IQSEC1: variants seen among roughly 807,000 people sequenced by gnomAD.
IQSEC1 encodes the protein IQ motif and Sec7 domain ArfGEF 1.
Under a neutral mutation model 91.0 loss-of-function variants are expected in IQSEC1, and 31 were observed. The ratio of observed to expected loss-of-function variants is 0.34; its 90% CI spans 0.26 to 0.46. The LOEUF is 0.46. Among genes scored for constraint, IQSEC1 ranks in the 20% least tolerant of loss-of-function variants. IQSEC1 has a pLI of 1.00. For synonymous variants in IQSEC1, 699 were observed against 662.6 expected, an observed-to-expected ratio of 1.05 and a Z score of -0.84; for missense variants, 1,388 against 1,575.6, an observed-to-expected ratio of 0.88 and a Z score of 2.02.
At chr3:12,954,466 G>T (rs1009331675) in intron 1 of IQSEC1, among the ~76,000 whole-genome samples, 1 of 152,204 alleles carries the variant, frequency 6.6e-6, no homozygotes, top group Non-Finnish European at 1.5e-5. Context: ...AGCACAGGGC[G>T]TCTGATGGGG....
intron 4 of IQSEC1, among the ~76,000 whole-genome samples, chr3:12,923,054 T>G (rs979894206): frequency 1.3e-5 from 2 of 152,112 alleles, no homozygotes; most frequent in African/African-American, 4.8e-5. Context: ...CACCCTCCTC[T>G]GAGCGCTCAA....
At chr3:13,234,007 A>T (rs1217927765) in intron 1 of IQSEC1, among the ~76,000 whole-genome samples, 1 of 152,228 alleles carries the variant, frequency 6.6e-6, no homozygotes, top group Non-Finnish European at 1.5e-5. Context: ...AATGACTGAC[A>T]AGGCGAAACT....
chr3:12,938,836 G>A (rs951635803), intron 2 of IQSEC1, among the ~76,000 whole-genome samples: 2 of 152,128 alleles, frequency 1.3e-5, no homozygotes, highest in Admixed American at 6.5e-5. Flanking sequence ...GTGTGTGTTG[G>A]GGGCGAAGGG....
At chr3:13,183,186 C>T (rs539195804) in intron 1 of IQSEC1, among the ~76,000 whole-genome samples, 11,882 of 150,792 alleles carry the variant, frequency 0.079, 1,431 homozygotes, top group African/African-American at 0.26. Context: ...AACAAACAAA[C>T]AAACAAACAA....
chr3:13,256,576 C>A (rs1178687034), intron 1 of IQSEC1, among the ~76,000 whole-genome samples: 1 of 152,152 alleles, frequency 6.6e-6, no homozygotes, highest in Non-Finnish European at 1.5e-5. Context: ...AAGAGCCACA[C>A]CCTCCTGAGC....
In IQSEC1 at chr3:13,121,327, C is replaced by T. The variant is rs1052524194; in HGVS notation, c.302+42777G>A. Among the ~76,000 whole-genome samples, 3 of 152,224 alleles carry T rather than the reference C, an allele frequency of 2.0e-5. No individual in the cohort carries two copies. In the East Asian group the frequency reaches 5.8e-4, roughly 29 times the overall value. On this transcript the variant is annotated intron_variant, in intron 2 of 15. Transcript: ENST00000648114. ...TTACATCTGTCTCACCTCCTCCTCC[C>T]AGCTACCTGAAGAAGCCAATGTCAT... is the stretch of plus-strand genomic sequence containing the variant.
intron 1 of IQSEC1, chr3:13,042,368 A>G (rs1440402175): frequency 1.3e-5 from 2 of 152,054 alleles, no homozygotes; most frequent in African/African-American, 4.8e-5. Context: ...GAGCATTTTC[A>G]CCTTTTGGTC....
At position 12,925,092 on chromosome 3, in the gene IQSEC1, G is replaced by A. The variant is rs191647196; in HGVS notation, c.1569-350C>T. ...CTTCTGTGGGAGCTGGAGCTGGACC[G>A]TCACTCCCCTGCCCTGCCTGCAGCC... On this transcript the variant is annotated intron_variant, in intron 3 of 13. Transcript: ENST00000613206. 8.7e-4 allele frequency among the ~76,000 whole-genome samples: 133 copies of A among 152,268 alleles called. 1 individual carries two copies. The highest frequency in any genetic ancestry group is 1.6e-3 in the Non-Finnish European group (112 of 68,010).
chr3:13,038,582 A>G (rs764892496), intron 1 of IQSEC1, among the ~76,000 whole-genome samples: 4 of 152,136 alleles, frequency 2.6e-5, no homozygotes, highest in Non-Finnish European at 4.4e-5. Context: ...AAGACTTACT[A>G]TTTGATAGCA....
rs113131929 is a variant in IQSEC1, at chr3:12,926,832, T to C, written c.1569-2090A>G. Among the ~76,000 whole-genome samples the C allele has an allele frequency of 8.4e-4, 128 of 152,304 alleles. 2 individuals carry two copies. Among genetic ancestry groups the C allele is most frequent in the African/African-American group, 2.7e-3 (112 of 41,556 alleles). ...CCTCCTGGCTGCAAGGTGACCCTGC[T>C]ATTTTTATCCCAGGATGGCCACACC... On this transcript the variant is annotated intron_variant, in intron 3 of 13. Coordinates refer to ENST00000613206, the MANE Select transcript of IQSEC1 (RefSeq NM_001134382.3).
chr3:12,911,767 C>T lies in IQSEC1; in HGVS notation c.2317-39G>A, dbSNP rs115948201. On this transcript the variant is annotated intron_variant, in intron 9 of 13. Coordinates refer to ENST00000613206, the MANE Select transcript of IQSEC1 (RefSeq NM_001134382.3). ...GAGACAGAGCTGAGCTACAGTGTCT[C>T]GGGGGGCACTGACTATGTGGGACCT... 4,332 of 1,405,880 alleles carry T rather than the reference C, an allele frequency of 3.1e-3. 112 individuals carry two copies. In the African/African-American group the frequency reaches 0.054, roughly 17 times the overall value. The allele number at this position is 1,405,880 out of a possible 1,614,324, so 87.1% of individuals were successfully genotyped here.
intron 1 of IQSEC1, among the ~76,000 whole-genome samples, chr3:12,976,794 G>C (rs1367430491): frequency 6.6e-6 from 1 of 152,164 alleles, no homozygotes; most frequent in Non-Finnish European, 1.5e-5. Flanking sequence ...CTGGACAGGT[G>C]AATCATGTTG....
At position 12,942,105 on chromosome 3, in the gene IQSEC1, C is replaced by T. The variant is rs368192717; in HGVS notation, c.24-240G>A. ...CACCATCCTCTGACATCCCATATAC[C>T]TTCCTCATTGATTTTGCTCACTGTC... On this transcript the variant is annotated intron_variant, in intron 1 of 13. Transcript: ENST00000613206. Among the ~76,000 whole-genome samples, 12 of 152,272 alleles carry T rather than the reference C, an allele frequency of 7.9e-5. 1 individual carries two copies. Among genetic ancestry groups the T allele is most frequent in the Admixed American group, 5.2e-4 (8 of 15,290 alleles).
intron 1 of IQSEC1, among the ~76,000 whole-genome samples, chr3:13,272,076 A>G (rs1695598599): frequency 6.6e-6 from 1 of 152,236 alleles, no homozygotes; most frequent in East Asian, 1.9e-4. Context: ...GACTGAAATC[A>G]CACAAAGTAT....
rs1238429173 is a variant in IQSEC1, at chr3:12,994,608, C to T, written c.24-52743G>A. Among the ~76,000 whole-genome samples, 1 of 152,172 alleles carries T rather than the reference C, an allele frequency of 6.6e-6. No homozygotes were observed. Among genetic ancestry groups the T allele is most frequent in the Non-Finnish European group, 1.5e-5 (1 of 68,024 alleles). Reference sequence around the variant, plus strand: ...CTCCTCCGAGGGAAAGCTGCAGCCCCGGCCGAAACGCCCCACCCCCGCCGC... The same window carrying T: ...CTCCTCCGAGGGAAAGCTGCAGCCCTGGCCGAAACGCCCCACCCCCGCCGC... On this transcript the variant is annotated intron_variant, in intron 1 of 13. Coordinates refer to ENST00000613206, the MANE Select transcript of IQSEC1 (RefSeq NM_001134382.3). The surrounding 1 kb of genome is among the most constrained non-coding windows in gnomAD (Gnocchi z 4.5).
chr3:13,062,134 C>G (rs189028921), intron 1 of IQSEC1, among the ~76,000 whole-genome samples: 1 of 152,178 alleles, frequency 6.6e-6, no homozygotes, highest in East Asian at 1.9e-4. Context: ...ACGGAAATCC[C>G]TTTGACTTGA....
At chr3:13,204,597 C>T (rs1694306947) in intron 1 of IQSEC1, among the ~76,000 whole-genome samples, 1 of 152,188 alleles carries the variant, frequency 6.6e-6, no homozygotes, top group Non-Finnish European at 1.5e-5. Context: ...CCTTCCGGAG[C>T]TTCGGGGAGA....
At chr3:13,151,317 T>G (rs1706995651) in intron 2 of IQSEC1, among the ~76,000 whole-genome samples, 1 of 152,150 alleles carries the variant, frequency 6.6e-6, no homozygotes, top group African/African-American at 2.4e-5. Flanking sequence ...TAGTGCATGT[T>G]GTAGCAGAGT....
chr3:13,232,144 C>A (rs1160038009), intron 1 of IQSEC1, among the ~76,000 whole-genome samples: 2 of 152,216 alleles, frequency 1.3e-5, no homozygotes, highest in Non-Finnish European at 2.9e-5. Context: ...GCTTTCTCAG[C>A]TGAGTCTCAC....
Sources: allele counts gnomAD v4.1 joint callset (sites outside exome capture counted in the v4.1 genomes callset), GRCh38; gene constraint gnomAD v4.1.1; non-coding constraint Gnocchi (gnomAD v3.1); transcripts MANE v1.5; gene names NCBI Gene and HGNC (gene_info 2026-07-23, HGNC 2026-07-21).